Variants in CDH8 observed in about 807,000 individuals in gnomAD.
CDH8 encodes the protein cadherin-8.
In CDH8, 17 loss-of-function variants were observed where a neutral mutation model predicts 68.1. The ratio of observed to expected loss-of-function variants is 0.25; its 90% CI spans 0.17 to 0.37. The LOEUF is 0.37. Among genes scored for constraint, CDH8 ranks in the 10% least tolerant of loss-of-function variants. The pLI, the probability that CDH8 is intolerant of heterozygous loss-of-function variation, is 1.00. For missense variants in CDH8, 763 were observed against 999.3 expected (o/e 0.76, Z 3.19); for synonymous variants, 372 against 365.1 (o/e 1.02, Z -0.21).
intron 2 of CDH8, among the ~76,000 whole-genome samples, chr16:61,940,053 A>C (rs1482799459): frequency 6.6e-6 from 1 of 152,164 alleles, no homozygotes; most frequent in Admixed American, 6.5e-5. Context: ...TTATTAATTC[A>C]CCCATTTTAC....
chr16:62,009,005 T>C (rs1901739680), intron 2 of CDH8, among the ~76,000 whole-genome samples: 1 of 150,220 alleles, frequency 6.7e-6, no homozygotes, highest in African/African-American at 2.4e-5. Flanking sequence ...GAAATTCATT[T>C]ATACTTTTAG....
chr16:61,927,153 G>A (rs1226720766), intron 2 of CDH8, among the ~76,000 whole-genome samples: 1 of 152,102 alleles, frequency 6.6e-6, no homozygotes, highest in African/African-American at 2.4e-5. Flanking sequence ...CCAGCTTTGC[G>A]ATTTAAATAT....
intron 8 of CDH8, among the ~76,000 whole-genome samples, chr16:61,753,878 A>G (rs539732448): frequency 2.0e-5 from 3 of 152,160 alleles, no homozygotes; most frequent in Non-Finnish European, 4.4e-5. Flanking sequence ...GGAAAAAACA[A>G]TAATAAAAAC....
At chr16:61,862,964 A>T (rs1285553034) in intron 3 of CDH8, among the ~76,000 whole-genome samples, 1 of 152,138 alleles carries the variant, frequency 6.6e-6, no homozygotes, top group Non-Finnish European at 1.5e-5. Context: ...TTAGCTAGTG[A>T]CTATAAATTT....
intron 8 of CDH8, among the ~76,000 whole-genome samples, chr16:61,773,249 A>G (rs983093911): frequency 3.3e-5 from 5 of 152,068 alleles, no homozygotes; most frequent in Non-Finnish European, 5.9e-5. Flanking sequence ...AACACTGTCT[A>G]TCCCATGTAG....
intron 2 of CDH8, among the ~76,000 whole-genome samples, chr16:61,922,027 G>GA (rs1339018831): frequency 0.047 from 6,867 of 145,338 alleles, 510 homozygotes; most frequent in African/African-American, 0.16. Context: ...CAAGCCTGGG[G>GA]AAAAAAAAAA....
intron 2 of CDH8, among the ~76,000 whole-genome samples, chr16:61,948,552 G>C (rs1246999764): frequency 6.6e-6 from 1 of 152,158 alleles, no homozygotes; most frequent in Non-Finnish European, 1.5e-5. Flanking sequence ...GCCTATATTT[G>C]CTTAAGAGAT....
At chr16:61,818,837 C>T (rs888333845) in intron 6 of CDH8, among the ~76,000 whole-genome samples, 5 of 151,896 alleles carry the variant, frequency 3.3e-5, no homozygotes, top group Admixed American at 3.3e-4. Context: ...CACCAGTGAA[C>T]TCTTTCAGAA....
At chr16:61,814,834 A>G (rs1945633826) in intron 7 of CDH8, among the ~76,000 whole-genome samples, 1 of 152,146 alleles carries the variant, frequency 6.6e-6, no homozygotes, top group South Asian at 2.1e-4. Context: ...AAATTAACCA[A>G]TTGTGCATAG....
intron 7 of CDH8, among the ~76,000 whole-genome samples, 194 bp downstream of exon 7, chr16:61,817,285 T>C (rs1030934493): frequency 6.6e-6 from 1 of 150,524 alleles, no homozygotes; most frequent in African/African-American, 2.5e-5. Context: ...ATGTAGCACT[T>C]AGTAGGCATA....
intron 3 of CDH8, among the ~76,000 whole-genome samples, chr16:61,870,933 A>G (rs1000432728): frequency 6.6e-6 from 1 of 152,186 alleles, no homozygotes; most frequent in East Asian, 1.9e-4. Flanking sequence ...TACTTGATAT[A>G]ATTATCTTAT....
At position 61,817,749 on chromosome 16, in the gene CDH8, A is replaced by G; in HGVS notation, c.1024-17T>C. On this transcript the variant is annotated splice_polypyrimidine_tract_variant and intron_variant, in intron 6 of 11. Coordinates refer to ENST00000577390, the MANE Select transcript of CDH8 (RefSeq NM_001796.5). ...GTCCAGAGGCTGTTAAGAAATGACA[A>G]AGATAAATGCTTCTCACTAATGACC... The G allele has an allele frequency of 6.5e-7, 1 of 1,540,492 alleles. No individual in the cohort carries two copies.
intron 10 of CDH8, chr16:61,710,674 T>C (rs1411280122): frequency 6.6e-6 from 1 of 151,880 alleles, no homozygotes; most frequent in African/African-American, 2.4e-5. Flanking sequence ...TTTACACACA[T>C]GATTTAAAAA....
chr16:61,664,293 A>G (rs889192462), intron 10 of CDH8, among the ~76,000 whole-genome samples: 1 of 152,072 alleles, frequency 6.6e-6, no homozygotes, highest in Admixed American at 6.6e-5. Context: ...ATTTTTATCA[A>G]AACACTATTA....
At chr16:61,691,140 A>G (rs1964214919) in intron 10 of CDH8, among the ~76,000 whole-genome samples, 1 of 152,088 alleles carries the variant, frequency 6.6e-6, no homozygotes, top group African/African-American at 2.4e-5. Flanking sequence ...AAGTCAGTCC[A>G]GGTTAACTTC....
At chr16:61,663,916 G>A (rs1479121305) in intron 10 of CDH8, among the ~76,000 whole-genome samples, 4 of 152,026 alleles carry the variant, frequency 2.6e-5, no homozygotes, top group African/African-American at 9.7e-5. Context: ...AAGGAAGAGA[G>A]AGAGTACATT....
chr16:61,848,944 T>C (rs1182956252), intron 4 of CDH8, among the ~76,000 whole-genome samples: 1 of 152,100 alleles, frequency 6.6e-6, no homozygotes, highest in Non-Finnish European at 1.5e-5. Context: ...GGCCATATCA[T>C]TTAACCTCAA....
At chr16:61,781,617 G>A (rs1463865907) in intron 8 of CDH8, among the ~76,000 whole-genome samples, 2 of 152,084 alleles carry the variant, frequency 1.3e-5, no homozygotes, top group East Asian at 1.9e-4. Context: ...CATGAATTAA[G>A]TTTAACTCTA....
Position 61,959,978 on chromosome 16 carries a change from G to GTA in CDH8, c.253-58506_253-58505insTA, listed in dbSNP as rs1230866201. On this transcript the variant is annotated intron_variant, in intron 2 of 11. Transcript: ENST00000577390. ...TTCTCTGTATGTGGTGTATGTGTGT[G>GTA]TGTGTGTATATATATATATATATAT... 8.4e-4 allele frequency among the ~76,000 whole-genome samples: 39 copies of GTA among 46,516 alleles called. 5 individuals carry two copies. Among genetic ancestry groups the GTA allele is most frequent in the African/African-American group, 1.8e-3 (23 of 12,930 alleles). The allele number at this position is 46,516 out of a possible 152,430, so 30.5% of individuals were successfully genotyped here. A position where few individuals can be genotyped will look rare whatever the true frequency, so the allele number is the denominator to read the frequency against.
Sources: allele counts gnomAD v4.1 joint callset (sites outside exome capture counted in the v4.1 genomes callset), GRCh38; gene constraint gnomAD v4.1.1; transcripts MANE v1.5; gene names NCBI Gene and HGNC (gene_info 2026-07-23, HGNC 2026-07-21).